Variants in ENTREP2 observed in about 807,000 individuals in gnomAD.
ENTREP2 encodes protein ENTREP2.
At chr15:29,601,720 C>G in the ENTREP2 span, among the ~76,000 whole-genome samples, 1 of 152,106 alleles carries the variant, frequency 6.6e-6, no homozygotes, top group Admixed American at 6.6e-5. Context: ...TCTTTGTTGG[C>G]CAATTTGACC....
chr15:29,131,646 A>C, the ENTREP2 span, among the ~76,000 whole-genome samples: 1 of 532 alleles, frequency 1.9e-3, no homozygotes, highest in African/African-American at 6.8e-3. Context: ...CTCCCCCTCT[A>C]CACGCACCCC....
the ENTREP2 span, among the ~76,000 whole-genome samples, chr15:29,313,348 A>G: frequency 1.3e-5 from 2 of 152,204 alleles, no homozygotes; most frequent in African/African-American, 4.8e-5. Context: ...TTTCATAGCT[A>G]AAGAGGGAAA....
the ENTREP2 span, among the ~76,000 whole-genome samples, chr15:29,228,329 A>G: frequency 3.3e-5 from 5 of 152,134 alleles, no homozygotes; most frequent in African/African-American, 1.2e-4. Flanking sequence ...AAACAAAAAC[A>G]AAAACAAAAA....
chr15:29,580,600 T>G, the ENTREP2 span, among the ~76,000 whole-genome samples: 1,134 of 152,242 alleles, frequency 7.4e-3, 18 homozygotes, highest in African/African-American at 0.026. Flanking sequence ...TGAAGTTATA[T>G]TAGAACCTCA....
At chr15:29,595,725 C>CA in the ENTREP2 span, among the ~76,000 whole-genome samples, 1 of 152,118 alleles carries the variant, frequency 6.6e-6, no homozygotes, top group Non-Finnish European at 1.5e-5. Context: ...ATCTATCCTT[C>CA]ATTCACCTAC....
At chr15:29,475,543 C>T in the ENTREP2 span, among the ~76,000 whole-genome samples, 1 of 152,128 alleles carries the variant, frequency 6.6e-6, no homozygotes, top group African/African-American at 2.4e-5. Context: ...AAAACACAAC[C>T]CAGTGGGCAA....
chr15:29,405,509 CCTACCCTTCCTGCTT>C, the ENTREP2 span, among the ~76,000 whole-genome samples: 1 of 152,176 alleles, frequency 6.6e-6, no homozygotes, highest in South Asian at 2.1e-4. Context: ...AAGGTCCCTG[CCTACCCTTCCTGCTT>C]CATCCAGGTC....
chr15:29,335,315 A>G, the ENTREP2 span, among the ~76,000 whole-genome samples: 1 of 152,198 alleles, frequency 6.6e-6, no homozygotes, highest in Non-Finnish European at 1.5e-5. Flanking sequence ...CTTTTTAACA[A>G]GTAAGCAGGA....
the ENTREP2 span, among the ~76,000 whole-genome samples, chr15:29,191,188 T>C: frequency 6.6e-6 from 1 of 152,142 alleles, no homozygotes; most frequent in Non-Finnish European, 1.5e-5. Flanking sequence ...CCACTAATTA[T>C]GAGAAAACTA....
the ENTREP2 span, among the ~76,000 whole-genome samples, chr15:29,152,272 C>G: frequency 1.3e-5 from 2 of 152,184 alleles, no homozygotes; most frequent in African/African-American, 4.8e-5. Context: ...TTTACTCATT[C>G]TCCCTTAATG....
chr15:29,557,750 C>G, the ENTREP2 span, among the ~76,000 whole-genome samples: 2 of 152,184 alleles, frequency 1.3e-5, no homozygotes, highest in African/African-American at 4.8e-5. Flanking sequence ...GTTTCACCAC[C>G]TGGATCTTTA....
At chr15:29,256,305 C>T in the ENTREP2 span, among the ~76,000 whole-genome samples, 1 of 152,132 alleles carries the variant, frequency 6.6e-6, no homozygotes, top group African/African-American at 2.4e-5. Context: ...GGTAACAAAC[C>T]TGCACATGTA....
At chr15:29,129,012 A>T in the ENTREP2 span, 1 of 606,174 alleles carries the variant, frequency 1.6e-6, no homozygotes, top group Non-Finnish European at 2.9e-6. Flanking sequence ...CCCTACATTT[A>T]TGAGGTGGGG....
the ENTREP2 span, chr15:29,151,654 A>C: frequency 0.077 from 88,232 of 1,145,140 alleles, 6,993 homozygotes; most frequent in African/African-American, 0.36. Flanking sequence ...CTGTCCTCAC[A>C]GCATCTGGCT....
the ENTREP2 span, among the ~76,000 whole-genome samples, chr15:29,395,854 A>G: frequency 6.6e-6 from 1 of 151,966 alleles, no homozygotes; most frequent in Non-Finnish European, 1.5e-5. Context: ...TTTGATTTGC[A>G]TCTCCTTAAG....
chr15:29,207,238 A>C, the ENTREP2 span, among the ~76,000 whole-genome samples: 23 of 152,228 alleles, frequency 1.5e-4, no homozygotes, highest in South Asian at 1.2e-3. Context: ...CTAGGCGTGG[A>C]AGCATTTGGA....
At chr15:29,550,723 AG>A in the ENTREP2 span, among the ~76,000 whole-genome samples, 353 of 152,346 alleles carry the variant, frequency 2.3e-3, no homozygotes, top group Non-Finnish European at 3.9e-3. Context: ...CATAACCAAA[AG>A]TTAACTCACC....
the ENTREP2 span, among the ~76,000 whole-genome samples, chr15:29,395,666 T>C: frequency 6.6e-6 from 1 of 151,822 alleles, no homozygotes; most frequent in Non-Finnish European, 1.5e-5. Context: ...TAGTTGGGAC[T>C]ACAGGTGCAT....
the ENTREP2 span, among the ~76,000 whole-genome samples, chr15:29,608,352 C>T: frequency 1.3e-5 from 2 of 151,972 alleles, no homozygotes; most frequent in East Asian, 1.9e-4. Flanking sequence ...CTGGCTGTTT[C>T]TTTCCCCCAA....
Sources: allele counts gnomAD v4.1 joint callset (sites outside exome capture counted in the v4.1 genomes callset), GRCh38; gene constraint gnomAD v4.1.1; transcripts MANE v1.5; gene names NCBI Gene and HGNC (gene_info 2026-07-23, HGNC 2026-07-21).